The following DAB1 variants were observed in gnomAD, a reference collection of about 807,000 sequenced individuals.
The protein encoded by DAB1 is disabled homolog 1.
In DAB1, 15 loss-of-function variants were observed where a neutral mutation model predicts 64.6. The ratio of observed to expected loss-of-function variants is 0.23; its 90% CI spans 0.16 to 0.36. The LOEUF (loss-of-function observed/expected upper bound fraction) is 0.36. DAB1 is among the 10% of genes least tolerant of loss of function. The pLI, the probability that DAB1 is intolerant of heterozygous loss-of-function variation, is 1.00. For synonymous variants in DAB1, 235 were observed against 251.9 expected (o/e 0.93, Z 0.64); for missense variants, 596 against 706.7 (o/e 0.84, Z 1.78).
intron 5 of DAB1, among the ~76,000 whole-genome samples, chr1:57,923,413 C>G (rs1644837435): frequency 6.6e-6 from 1 of 152,214 alleles, no homozygotes; most frequent in Non-Finnish European, 1.5e-5. Context: ...GCACACCTCT[C>G]TATGTCAGTG....
intron 2 of DAB1, among the ~76,000 whole-genome samples, chr1:57,174,287 C>G (rs984232368): frequency 6.6e-6 from 1 of 152,144 alleles, no homozygotes; most frequent in Non-Finnish European, 1.5e-5. Context: ...ATACCAGATA[C>G]AGACCTGGCC....
chr1:58,325,689 G>C (rs1489408707), intron 4 of DAB1, among the ~76,000 whole-genome samples: 2 of 152,070 alleles, frequency 1.3e-5, no homozygotes, highest in African/African-American at 2.4e-5. Context: ...GATTAAATCA[G>C]TGCTGTATGT....
intron 2 of DAB1, among the ~76,000 whole-genome samples, chr1:58,510,038 T>C (rs2100424952): frequency 6.6e-6 from 1 of 152,262 alleles, no homozygotes; most frequent in South Asian, 2.1e-4. Context: ...ATGACCTCAC[T>C]GGTGAATGCC....
At chr1:57,522,770 G>A (rs994588076) in intron 7 of DAB1, among the ~76,000 whole-genome samples, 6 of 152,186 alleles carry the variant, frequency 3.9e-5, no homozygotes, top group South Asian at 2.1e-4. Context: ...CCTCATTCTG[G>A]ATGGACACTA....
intron 7 of DAB1, among the ~76,000 whole-genome samples, chr1:57,476,732 A>C (rs1413426583): frequency 6.6e-6 from 1 of 152,222 alleles, no homozygotes; most frequent in Non-Finnish European, 1.5e-5. Flanking sequence ...AGTTAATTGC[A>C]ACATGGTATA....
At chr1:57,314,152 C>T (rs1326744280) in intron 1 of DAB1, among the ~76,000 whole-genome samples, 2 of 152,234 alleles carry the variant, frequency 1.3e-5, no homozygotes, top group Non-Finnish European at 1.5e-5. Flanking sequence ...ACGCAATTTA[C>T]TCACTCAGCT....
chr1:58,385,344 C>A (rs1644424229), intron 3 of DAB1, among the ~76,000 whole-genome samples: 1 of 152,180 alleles, frequency 6.6e-6, no homozygotes, highest in South Asian at 2.1e-4. Context: ...TAATGTCTTA[C>A]CCTGTCTTAC....
chr1:57,425,058 T>C (rs985018434), upstream of DAB1, among the ~76,000 whole-genome samples: 2 of 152,144 alleles, frequency 1.3e-5, no homozygotes, highest in African/African-American at 4.8e-5. Flanking sequence ...TTCTGAAAAT[T>C]CTTCCACCTT....
chr1:57,220,379 G>C (rs1666768611), intron 2 of DAB1, among the ~76,000 whole-genome samples: 1 of 152,158 alleles, frequency 6.6e-6, no homozygotes, highest in African/African-American at 2.4e-5. Flanking sequence ...GTGGGGTGAG[G>C]TTTGAAATGG....
chr1:58,415,984 T>C (rs945920961), intron 3 of DAB1, among the ~76,000 whole-genome samples: 1 of 152,226 alleles, frequency 6.6e-6, no homozygotes, highest in African/African-American at 2.4e-5. Flanking sequence ...CTTAGAACCA[T>C]TTGTGACACG....
intron 1 of DAB1, among the ~76,000 whole-genome samples, chr1:57,394,046 C>T (rs539257): frequency 0.039 from 5,873 of 152,228 alleles, 353 homozygotes; most frequent in African/African-American, 0.13. Context: ...TAGTTCTCAA[C>T]GTAGCATTAT....
chr1:58,344,362 G>A (rs188911377), intron 3 of DAB1, among the ~76,000 whole-genome samples: 79 of 152,166 alleles, frequency 5.2e-4, no homozygotes, highest in African/African-American at 1.6e-3. Context: ...AAATTGTGAT[G>A]GTATTGCTGA....
intron 4 of DAB1, among the ~76,000 whole-genome samples, chr1:58,294,575 G>A (rs893863366): frequency 6.6e-6 from 1 of 152,154 alleles, no homozygotes; most frequent in Non-Finnish European, 1.5e-5. Context: ...TTACCATCTA[G>A]TCTTTGCTAG....
chr1:58,478,585 G>A (rs951092812), intron 3 of DAB1, among the ~76,000 whole-genome samples: 1 of 152,120 alleles, frequency 6.6e-6, no homozygotes, highest in Non-Finnish European at 1.5e-5. Flanking sequence ...TACAGAAGCA[G>A]ATTTTACAGA....
chr1:57,335,531 C>A (rs975691179), intron 1 of DAB1, among the ~76,000 whole-genome samples: 1 of 152,176 alleles, frequency 6.6e-6, no homozygotes, highest in Non-Finnish European at 1.5e-5. Context: ...AATACAATAA[C>A]AAAAATAATT....
chr1:57,719,527 A>T (rs544029620), intron 6 of DAB1, among the ~76,000 whole-genome samples: 49 of 152,344 alleles, frequency 3.2e-4, no homozygotes, highest in African/African-American at 1.2e-3. Context: ...ACCTGGTGGG[A>T]GGTGATTAGA....
chr1:57,343,974 CTGAT>C (rs1194611139), intron 1 of DAB1, among the ~76,000 whole-genome samples: 1 of 152,264 alleles, frequency 6.6e-6, no homozygotes, highest in Non-Finnish European at 1.5e-5. Flanking sequence ...ACCTCTCACT[CTGAT>C]TGACTGAGAT....
chr1:57,939,386 G>T (rs1207263758), intron 5 of DAB1, among the ~76,000 whole-genome samples: 1 of 152,162 alleles, frequency 6.6e-6, no homozygotes, highest in Non-Finnish European at 1.5e-5. Flanking sequence ...TCCAGTGAAT[G>T]TCCCATAAGA....
chr1:57,280,854 C>T (rs1388874456), intron 2 of DAB1, among the ~76,000 whole-genome samples: 1 of 152,088 alleles, frequency 6.6e-6, no homozygotes, highest in Non-Finnish European at 1.5e-5. Context: ...AATTCTCCCC[C>T]ACATTATATA....
Sources: gnomAD v4.1 joint callset for allele counts (sites outside exome capture counted in the v4.1 genomes callset) on GRCh38, gnomAD v4.1.1 for gene constraint, MANE v1.5 for transcripts, NCBI Gene and HGNC (gene_info 2026-07-23, HGNC 2026-07-21) for gene names.